The following NF1 variants were observed in gnomAD, a reference collection of about 807,000 sequenced individuals.
NF1 encodes neurofibromin 1, also known as neurofibromin.
NF1 carries 122 observed loss-of-function variants against 325.7 expected under a neutral mutation model. The ratio of observed to expected loss-of-function variants is 0.37; its 90% CI spans 0.32 to 0.44. The LOEUF (loss-of-function observed/expected upper bound fraction) is 0.44. Among genes scored for constraint, NF1 ranks in the 20% least tolerant of loss-of-function variants. The probability of loss-of-function intolerance (pLI) is 1.00; values close to 1 mark genes in which losing one functional copy is unlikely to be tolerated. For missense variants in NF1, 2,140 were observed against 3,415.4 expected, an observed-to-expected ratio of 0.63 and a Z score of 9.31; for synonymous variants, 1,091 against 1,186.0, an observed-to-expected ratio of 0.92 and a Z score of 1.65.
intron 3 of NF1, among the ~76,000 whole-genome samples, chr17:31,160,597 T>C (rs908285477): frequency 2.6e-5 from 4 of 152,198 alleles, no homozygotes; most frequent in African/African-American, 7.2e-5. Flanking sequence ...ACTGGGAAGA[T>C]GGGCAAATTT....
In NF1 at chr17:31,221,938, A is replaced by T. The variant is rs2066929851; in HGVS notation, c.1721+9A>T. 1 of 1,583,278 alleles carries T rather than the reference A, an allele frequency of 6.3e-7. No homozygotes were observed. The stretch of plus-strand genomic sequence containing the variant: ...ACATTTTGGGAGATTAGGTATATGT[A>T]CTTTTATTTTTTAAATTCAACTTTT... On this transcript the variant is annotated intron_variant, in intron 15 of 57. Transcript: ENST00000358273.
intron 36 of NF1, chr17:31,318,514 C>T (rs2069087449): frequency 6.2e-7 from 1 of 1,614,002 alleles, no homozygotes; most frequent in Non-Finnish European, 8.5e-7. Context: ...TTTTGATCGT[C>T]TGAGAGAAGA....
chr17:31,357,937 G>C (rs1288301812), intron 54 of NF1: 2 of 165,054 alleles, frequency 1.2e-5, no homozygotes, highest in African/African-American at 4.8e-5. Flanking sequence ...ATGGAGTGTA[G>C]CCGGGTTAGA....
intron 36 of NF1, among the ~76,000 whole-genome samples, chr17:31,317,404 C>CACAA (rs56932012): frequency 6.8e-6 from 1 of 147,222 alleles, no homozygotes; most frequent in Non-Finnish European, 1.5e-5. Flanking sequence ...CACACACACA[C>CACAA]CCCTAATAAA....
Position 31,252,977 on chromosome 17 carries a change from G to T in NF1, c.4150G>T (p.Glu1384Ter), listed in dbSNP as rs1387972895. Reference protein sequence around the residue: ...HSLLNKATVKEKKENKKSVVS... With the variant: ...HSLLNKATVK ...CCTACTGAATAAAGCTACAGTAAAAGAAAAAAAGGAAAACAAAAAATCAGT... is the reference window on the plus strand; with the variant it reads ...CCTACTGAATAAAGCTACAGTAAAATAAAAAAAGGAAAACAAAAAATCAGT... The change falls in exon 31 of 58, where the codon GAA becomes TAA. Residue 1384 changes from glutamate (E) to a stop codon, truncating the protein, a stop_gained. Transcript: ENST00000358273. LOFTEE classifies it high-confidence loss of function. 1 of 1,612,990 alleles carries T rather than the reference G, an allele frequency of 6.2e-7. No homozygotes were observed. The highest frequency in any genetic ancestry group is 1.7e-5 in the Admixed American group (1 of 59,930).
At chr17:31,346,708 T>C (rs1371282461) in intron 48 of NF1, among the ~76,000 whole-genome samples, 1 of 152,244 alleles carries the variant, frequency 6.6e-6, no homozygotes, top group Non-Finnish European at 1.5e-5. Flanking sequence ...TCTCTAGTCT[T>C]GAGTGACTGT....
At chr17:31,269,154 A>C (rs968379432) in intron 36 of NF1, among the ~76,000 whole-genome samples, 1 of 151,904 alleles carries the variant, frequency 6.6e-6, no homozygotes, top group African/African-American at 2.4e-5. Flanking sequence ...CTCCTTCATC[A>C]CCAGTTGACT....
intron 36 of NF1, among the ~76,000 whole-genome samples, chr17:31,313,722 A>ATGTGTGTGTGTGTGTG (rs60267436): frequency 7.9e-5 from 11 of 139,024 alleles, no homozygotes; most frequent in African/African-American, 3.0e-4. Context: ...AAAAAAAAAT[A>ATGTGTGTGTGTGTGTG]TGTGTGTGTG....
At chr17:31,305,126 T>C in intron 36 of NF1, 2 of 1,614,172 alleles carry the variant, frequency 1.2e-6, no homozygotes, top group South Asian at 1.1e-5. Context: ...TTATGAACAG[T>C]TATTTGTTTT....
In NF1 at chr17:31,331,915, A is replaced by T. The variant is rs1176214689; in HGVS notation, c.5812+1417A>T. 15 of 135,506 alleles carry T rather than the reference A, an allele frequency of 1.1e-4. 1 individual carries two copies. Among genetic ancestry groups the T allele is most frequent in the East Asian group, 6.3e-4 (3 of 4,730 alleles). The allele number at this position is 135,506 out of a possible 1,614,324, so 8.4% of individuals were successfully genotyped here. On this transcript the variant is annotated intron_variant, in intron 39 of 57. Transcript: ENST00000358273. ...AGACCCTTCTCTATTAAAAAAAAAA[A>T]AAAAAAAAAAAAAAAAAAAAAAAAG...
chr17:31,302,737 C>G (rs1167066146), intron 36 of NF1, among the ~76,000 whole-genome samples: 1 of 151,982 alleles, frequency 6.6e-6, no homozygotes, highest in Non-Finnish European at 1.5e-5. Flanking sequence ...CCCAGCTACT[C>G]AGTAGGCTGA....
chr17:31,111,800 T>C (rs953995343), intron 1 of NF1, among the ~76,000 whole-genome samples: 4 of 152,116 alleles, frequency 2.6e-5, no homozygotes, highest in African/African-American at 9.7e-5. Context: ...AGTACAAAAC[T>C]GTAGGAAATA....
intron 12 of NF1, among the ~76,000 whole-genome samples, chr17:31,207,136 C>T (rs1045762148): frequency 6.6e-6 from 1 of 152,128 alleles, no homozygotes; most frequent in Non-Finnish European, 1.5e-5. Flanking sequence ...TGGCTGCTGT[C>T]GCTCACATGA....
At chr17:31,257,632 A>G (rs1306046580) in intron 31 of NF1, 1 of 152,260 alleles carries the variant, frequency 6.6e-6, no homozygotes, top group Admixed American at 6.5e-5. Context: ...ACAGAATTAT[A>G]AATTGAGGTA....
chr17:31,340,186 A>G (rs2069780011), intron 46 of NF1: 2 of 359,442 alleles, frequency 5.6e-6, no homozygotes, highest in African/African-American at 2.1e-5. Context: ...TGGTAATGTC[A>G]TTAGCAATAA....
At chr17:31,151,748 G>T (rs1165502295) in intron 1 of NF1, among the ~76,000 whole-genome samples, 1 of 152,136 alleles carries the variant, frequency 6.6e-6, no homozygotes, top group Admixed American at 6.5e-5. Context: ...GTCTGTACCT[G>T]TTCAGTACAG....
intron 36 of NF1, among the ~76,000 whole-genome samples, chr17:31,275,892 G>A (rs186290450): frequency 9.9e-5 from 15 of 152,164 alleles, no homozygotes; most frequent in African/African-American, 3.6e-4. Flanking sequence ...AATATAGTGA[G>A]TGTTTATAAA....
chr17:31,254,429 A>G (rs2067547973), intron 31 of NF1: 2 of 152,134 alleles, frequency 1.3e-5, no homozygotes, highest in South Asian at 4.1e-4. Context: ...TGAAGATTTT[A>G]TTTTTGATTA....
At chr17:31,222,099 T>C (rs759100747) in intron 15 of NF1, 170 bp downstream of exon 15, 154 of 1,295,518 alleles carry the variant, frequency 1.2e-4, no homozygotes, top group Non-Finnish European at 7.4e-5. Context: ...GTTTTAACTG[T>C]AAGAAAAGTA....
Sources: allele counts gnomAD v4.1 joint callset (sites outside exome capture counted in the v4.1 genomes callset), GRCh38; gene constraint gnomAD v4.1.1; transcripts MANE v1.5; gene names NCBI Gene and HGNC (gene_info 2026-07-23, HGNC 2026-07-21).